The following PRKCE variants were observed in gnomAD, a reference collection of about 807,000 sequenced individuals.
PRKCE encodes the protein protein kinase C epsilon type.
In PRKCE, 16 loss-of-function variants were observed where a neutral mutation model predicts 85.4. The observed-to-expected ratio is 0.19, with a 90% CI of 0.13 to 0.28. PRKCE has a LOEUF of 0.28. Ranked by LOEUF, PRKCE falls within the 10% of genes least tolerant of loss-of-function variation. PRKCE has a pLI of 1.00. For synonymous variants in PRKCE, 388 were observed against 371.5 expected (o/e 1.04, Z -0.51); for missense variants, 573 against 975.2 (o/e 0.59, Z 5.49).
intron 1 of PRKCE, among the ~76,000 whole-genome samples, chr2:45,816,651 A>C (rs1330642342): frequency 6.6e-6 from 1 of 152,088 alleles, no homozygotes; most frequent in Non-Finnish European, 1.5e-5. Flanking sequence ...CTTTGGAGCA[A>C]TCTTCCTTTC....
At chr2:46,160,937 A>G (rs79980193) in intron 14 of PRKCE, among the ~76,000 whole-genome samples, 12,908 of 152,256 alleles carry the variant, frequency 0.085, 589 homozygotes, top group African/African-American at 0.12. Context: ...GGGGTTGAAC[A>G]TCCCCGGATG....
At chr2:46,051,795 G>A (rs1244251549) in intron 10 of PRKCE, among the ~76,000 whole-genome samples, 2 of 152,188 alleles carry the variant, frequency 1.3e-5, no homozygotes, top group Non-Finnish European at 2.9e-5. Flanking sequence ...AAGAAAAGAG[G>A]TTTAATTGTC....
chr2:45,696,081 C>G (rs913394956), intron 1 of PRKCE, among the ~76,000 whole-genome samples: 1 of 139,594 alleles, frequency 7.2e-6, no homozygotes, highest in African/African-American at 2.7e-5. Context: ...CTAATGCTAT[C>G]CCTCCCCTCC....
intron 2 of PRKCE, among the ~76,000 whole-genome samples, chr2:45,846,424 C>T (rs890222741): frequency 2.0e-5 from 3 of 152,132 alleles, no homozygotes; most frequent in Non-Finnish European, 2.9e-5. Context: ...TGGGAGAGTT[C>T]TTCAGCATCT....
At chr2:45,894,788 T>C (rs1006312819) in intron 2 of PRKCE, among the ~76,000 whole-genome samples, 1 of 152,208 alleles carries the variant, frequency 6.6e-6, no homozygotes, top group Admixed American at 6.5e-5. Flanking sequence ...AATGACGCGA[T>C]CTTGGCTCAC....
At chr2:46,154,366 T>C (rs1033560512) in intron 13 of PRKCE, among the ~76,000 whole-genome samples, 1 of 152,140 alleles carries the variant, frequency 6.6e-6, no homozygotes, top group African/African-American at 2.4e-5. Flanking sequence ...GCTGGGCCTC[T>C]CACTCCGAGA....
intron 14 of PRKCE, among the ~76,000 whole-genome samples, chr2:46,175,901 GAAGA>G (rs1679372795): frequency 6.6e-6 from 1 of 151,940 alleles, no homozygotes. Context: ...ATTGTTAAAA[GAAGA>G]AAGAAAGAGA....
chr2:46,102,632 G>C lies in PRKCE; in HGVS notation c.1592+16270G>C, dbSNP rs866470977. 1.1e-4 allele frequency among the ~76,000 whole-genome samples: 16 copies of C among 152,234 alleles called. No individual in the cohort carries two copies. The Middle Eastern group carries it at 0.01, about 97-fold the overall frequency. ...ACATTTAGTTGTCATGTCTCCTTCA[G>C]CTCTTCTTGGCTGTGACATTTTCTC... On this transcript the variant is annotated intron_variant, in intron 11 of 14. Transcript: ENST00000306156.
At chr2:45,871,185 C>A (rs1484448592) in intron 2 of PRKCE, among the ~76,000 whole-genome samples, 1 of 152,216 alleles carries the variant, frequency 6.6e-6, no homozygotes, top group Admixed American at 6.5e-5. Context: ...AAGCCCCCTT[C>A]CTCAGTGGGT....
Position 46,145,302 on chromosome 2 carries a change from T to C in PRKCE, c.1731+71T>C. On this transcript the variant is annotated intron_variant, in intron 12 of 14. Transcript: ENST00000306156. The surrounding 1 kb of genome is among the most constrained non-coding windows in gnomAD (Gnocchi z 4.6). Reference sequence around the variant, plus strand: ...GAGGCAGGGGTCCAAACCCATGCACTGGGGTCATCTAGTGGTGCTGGGGGA... The same window carrying C: ...GAGGCAGGGGTCCAAACCCATGCACCGGGGTCATCTAGTGGTGCTGGGGGA... The C allele has an allele frequency of 6.4e-7, 1 of 1,560,124 alleles. No homozygotes were observed. Among genetic ancestry groups the C allele is most frequent in the Non-Finnish European group, 8.7e-7 (1 of 1,147,784 alleles).
intron 1 of PRKCE, among the ~76,000 whole-genome samples, chr2:45,731,617 A>ATTTTTTT (rs11329717): frequency 9.2e-6 from 1 of 108,582 alleles, no homozygotes; most frequent in Non-Finnish European, 1.9e-5. Context: ...AATTCCTGGA[A>ATTTTTTT]TTTTTTTTTT....
At chr2:45,853,535 A>C (rs1692441312) in intron 2 of PRKCE, among the ~76,000 whole-genome samples, 1 of 152,040 alleles carries the variant, frequency 6.6e-6, no homozygotes, top group Admixed American at 6.6e-5. Flanking sequence ...GCTAGAACTT[A>C]CCTCTATGTG....
chr2:45,969,156 G>A (rs1050549984), intron 2 of PRKCE, among the ~76,000 whole-genome samples: 1 of 151,506 alleles, frequency 6.6e-6, no homozygotes, highest in Non-Finnish European at 1.5e-5. Flanking sequence ...TGTGAATCTT[G>A]AAGCTGCTTC....
At chr2:45,818,779 C>T (rs1039520923) in intron 1 of PRKCE, among the ~76,000 whole-genome samples, 22 of 152,178 alleles carry the variant, frequency 1.4e-4, no homozygotes, top group East Asian at 1.2e-3. Flanking sequence ...TTTGCCCTGC[C>T]GCAGCACTCA....
intron 1 of PRKCE, among the ~76,000 whole-genome samples, chr2:45,801,951 T>A (rs1227993028): frequency 1.3e-5 from 2 of 151,972 alleles, no homozygotes; most frequent in African/African-American, 4.8e-5. Flanking sequence ...TAGGCTGCGG[T>A]TTGAAAGCAA....
rs114307475 is a variant in PRKCE at position 46,001,863 on chromosome 2, A to C, written c.966+317A>C. ...CAACTCCATACAAGGAAATGGACTTATCTGCTTCCAGAACTGGCATGAAAG... is the reference window on the plus strand; with the variant it reads ...CAACTCCATACAAGGAAATGGACTTCTCTGCTTCCAGAACTGGCATGAAAG... On this transcript the variant is annotated intron_variant, in intron 7 of 14. Coordinates refer to ENST00000306156, the MANE Select transcript of PRKCE (RefSeq NM_005400.3). The surrounding 1 kb of genome is among the most constrained non-coding windows in gnomAD (Gnocchi z 4.4). Among the ~76,000 whole-genome samples the C allele has an allele frequency of 3.6e-3, 550 of 152,364 alleles. No homozygotes were observed. The highest frequency in any genetic ancestry group is 0.014 in the Middle Eastern group (4 of 294).
intron 1 of PRKCE, among the ~76,000 whole-genome samples, chr2:45,823,079 CTG>C (rs758310855): frequency 6.6e-6 from 1 of 152,224 alleles, no homozygotes; most frequent in Non-Finnish European, 1.5e-5. Context: ...GGTATGGACT[CTG>C]TCCCCAAGGA....
intron 14 of PRKCE, among the ~76,000 whole-genome samples, chr2:46,173,626 C>CA (rs1679133526): frequency 6.6e-6 from 1 of 152,232 alleles, no homozygotes; most frequent in Non-Finnish European, 1.5e-5. Flanking sequence ...TGAATTGGCA[C>CA]TGCCTTCCAA....
chr2:45,832,470 G>A (rs1169373154), intron 1 of PRKCE, among the ~76,000 whole-genome samples: 1 of 152,068 alleles, frequency 6.6e-6, no homozygotes, highest in Non-Finnish European at 1.5e-5. Context: ...ACTCCACCAT[G>A]CCCAGCTAAT....
Sources: gnomAD v4.1 joint callset for allele counts (sites outside exome capture counted in the v4.1 genomes callset) on GRCh38, gnomAD v4.1.1 for gene constraint, Gnocchi (gnomAD v3.1) non-coding constraint, MANE v1.5 for transcripts, NCBI Gene and HGNC (gene_info 2026-07-23, HGNC 2026-07-21) for gene names.